Variants in MAPK10 observed in about 807,000 individuals in gnomAD.
MAPK10 encodes the protein JNK3 alpha protein kinase.
A neutral mutation model predicts 59.3 loss-of-function variants in MAPK10; 25 were observed. That is an observed-to-expected ratio of 0.42 (90% CI 0.31 to 0.59). The LOEUF (loss-of-function observed/expected upper bound fraction) is 0.59, where lower values mean the gene tolerates loss of function less well. Among genes scored for constraint, MAPK10 ranks in the 20% least tolerant of loss-of-function variants. MAPK10 has a pLI of 0.15. For synonymous variants in MAPK10, 190 were observed against 200.5 expected (o/e 0.95, Z 0.44); for missense variants, 351 against 568.9 (o/e 0.62, Z 3.90).
At chr4:86,147,629 A>C (rs1489379223) in intron 4 of MAPK10, among the ~76,000 whole-genome samples, 1 of 152,218 alleles carries the variant, frequency 6.6e-6, no homozygotes, top group Non-Finnish European at 1.5e-5. Flanking sequence ...AAAATATGAA[A>C]GAATACTTTT....
intron 1 of MAPK10, chr4:86,356,496 C>T: frequency 1.1e-6 from 1 of 921,390 alleles, no homozygotes; most frequent in African/African-American, 1.8e-5. Context: ...TACCAAGATT[C>T]ACAATAAGAA....
chr4:86,543,406 G>C (rs569764910), intron 1 of MAPK10, among the ~76,000 whole-genome samples: 1 of 152,066 alleles, frequency 6.6e-6, no homozygotes, highest in African/African-American at 2.4e-5. Context: ...TCCCTGGCTT[G>C]TTGGGAACAA....
intron 1 of MAPK10, among the ~76,000 whole-genome samples, chr4:86,587,139 T>C (rs796530102): frequency 3.9e-5 from 6 of 152,360 alleles, no homozygotes; most frequent in African/African-American, 1.2e-4. Flanking sequence ...GTGGAACATA[T>C]TCGCTATTCT....
At chr4:86,437,925 A>C (rs546864509) in intron 1 of MAPK10, among the ~76,000 whole-genome samples, 1 of 152,354 alleles carries the variant, frequency 6.6e-6, no homozygotes, top group South Asian at 2.1e-4. Context: ...AAAGGAAGAA[A>C]GTGCTGCTAT....
At chr4:86,359,472 T>C (rs1736352083) in intron 1 of MAPK10, among the ~76,000 whole-genome samples, 186 bp downstream of exon 1, 1 of 151,950 alleles carries the variant, frequency 6.6e-6, no homozygotes, top group Non-Finnish European at 1.5e-5. Flanking sequence ...GAAAGAGATG[T>C]TCTGCACAGA....
intron 2 of MAPK10, among the ~76,000 whole-genome samples, chr4:86,260,293 GT>G (rs1474274235): frequency 6.6e-6 from 1 of 151,974 alleles, no homozygotes; most frequent in Non-Finnish European, 1.5e-5. Flanking sequence ...CTAAAATAGG[GT>G]TTTAATTAAA....
intron 2 of MAPK10, among the ~76,000 whole-genome samples, chr4:86,270,182 G>A (rs1200365166): frequency 6.6e-6 from 1 of 151,958 alleles, no homozygotes; most frequent in African/African-American, 2.4e-5. Context: ...CTATTATGTT[G>A]TAATTCAAAC....
chr4:86,217,315 G>A (rs931130543), intron 2 of MAPK10, among the ~76,000 whole-genome samples: 1 of 151,986 alleles, frequency 6.6e-6, no homozygotes, highest in Non-Finnish European at 1.5e-5. Context: ...TTAATATAGA[G>A]AAATAAGATT....
intron 1 of MAPK10, among the ~76,000 whole-genome samples, chr4:86,571,096 C>A (rs536731319): frequency 3.1e-4 from 47 of 151,340 alleles, no homozygotes; most frequent in Non-Finnish European, 5.6e-4. Flanking sequence ...ATGGATCCTT[C>A]TTTCAGGTTC....
chr4:86,272,255 G>A (rs1326980518), intron 2 of MAPK10, among the ~76,000 whole-genome samples: 1 of 151,980 alleles, frequency 6.6e-6, no homozygotes, highest in African/African-American at 2.4e-5. Context: ...TGTATTGTGT[G>A]TACCTTCTCC....
chr4:86,550,526 C>T (rs931643041), intron 1 of MAPK10, among the ~76,000 whole-genome samples: 1 of 151,696 alleles, frequency 6.6e-6, no homozygotes, highest in African/African-American at 2.4e-5. Context: ...TGTTGAAATG[C>T]CGTCTCTACT....
intron 1 of MAPK10, among the ~76,000 whole-genome samples, chr4:86,473,788 T>C (rs912091158): frequency 6.6e-6 from 1 of 152,224 alleles, no homozygotes; most frequent in Non-Finnish European, 1.5e-5. Flanking sequence ...AAATCATTCT[T>C]CTTTGAGAAA....
chr4:86,550,354 G>A (rs2149099570), intron 1 of MAPK10, among the ~76,000 whole-genome samples: 1 of 128,718 alleles, frequency 7.8e-6, no homozygotes, highest in East Asian at 2.2e-4. Context: ...TTAATCAGAA[G>A]GGCTAAGCAG....
chr4:86,210,936 T>C (rs1192815023), intron 2 of MAPK10, among the ~76,000 whole-genome samples: 1 of 148,806 alleles, frequency 6.7e-6, no homozygotes, highest in Non-Finnish European at 1.5e-5. Context: ...GTACAAGAAG[T>C]GAAGTGAAAA....
chr4:86,203,606 T>C (rs1285677336), intron 2 of MAPK10, among the ~76,000 whole-genome samples: 2 of 151,392 alleles, frequency 1.3e-5, no homozygotes, highest in East Asian at 3.9e-4. Context: ...GTAATTTTTG[T>C]ATTTATTACA....
intron 12 of MAPK10, 66 bp from the exon 13 acceptor site, chr4:86,029,340 CT>C: frequency 2.1e-6 from 2 of 950,082 alleles, no homozygotes; most frequent in South Asian, 2.6e-5. Flanking sequence ...AAATTCATTA[CT>C]TAATGCCAAA....
intron 1 of MAPK10, among the ~76,000 whole-genome samples, chr4:86,592,610 G>C (rs1763135895): frequency 6.6e-6 from 1 of 152,168 alleles, no homozygotes; most frequent in Non-Finnish European, 1.5e-5. Context: ...CTACCTCCCT[G>C]ATAGATGATC....
At chr4:86,278,927 A>G (rs994396853) in intron 2 of MAPK10, among the ~76,000 whole-genome samples, 1 of 152,186 alleles carries the variant, frequency 6.6e-6, no homozygotes, top group South Asian at 2.1e-4. Context: ...AGTAAACACA[A>G]TGTGGGATTC....
At chr4:86,182,153 C>T (rs1270871201) in intron 3 of MAPK10, among the ~76,000 whole-genome samples, 2 of 151,518 alleles carry the variant, frequency 1.3e-5, no homozygotes, top group Non-Finnish European at 2.9e-5. Context: ...AAATTTCTCC[C>T]GAGACTATAA....
Sources: allele counts gnomAD v4.1 joint callset (sites outside exome capture counted in the v4.1 genomes callset), GRCh38; gene constraint gnomAD v4.1.1; transcripts MANE v1.5; gene names NCBI Gene and HGNC (gene_info 2026-07-23, HGNC 2026-07-21).